MARCHF10: variants seen among roughly 807,000 people sequenced by gnomAD.
MARCHF10 encodes membrane associated ring-CH-type finger 10.
A neutral mutation model predicts 76.2 loss-of-function variants in MARCHF10; 64 were observed. That is an observed-to-expected ratio of 0.84 (90% CI 0.69 to 1.03). MARCHF10 has a LOEUF of 1.03. Ranked by LOEUF, MARCHF10 falls within the 50% of genes least tolerant of loss-of-function variation. The pLI is 0.00. For synonymous variants in MARCHF10, 340 were observed against 357.5 expected (o/e 0.95, Z 0.55); for missense variants, 875 against 958.0 (o/e 0.91, Z 1.14).
At chr17:62,787,936 T>C (rs774636379) in intron 3 of MARCHF10, among the ~76,000 whole-genome samples, 4 of 152,198 alleles carry the variant, frequency 2.6e-5, no homozygotes, top group Non-Finnish European at 5.9e-5. Flanking sequence ...ATATTGTTAT[T>C]ATCACATTGT....
At chr17:62,783,454 C>A (rs1342510959) in intron 3 of MARCHF10, among the ~76,000 whole-genome samples, 1 of 151,832 alleles carries the variant, frequency 6.6e-6, no homozygotes, top group African/African-American at 2.4e-5. Context: ...CCTAACATCA[C>A]AATTAAAAGA....
rs745955088 is a variant in MARCHF10 at position 62,788,549 on chromosome 17, G to A, written c.141C>T (p.Arg47=). The change falls in exon 3 of 11, where the codon CGC becomes CGT. Residue 47 remains arginine (R), a synonymous_variant. Transcript: ENST00000311269. ...EYRRDPNEKK[R]DQFWGQETSF... The stretch of plus-strand genomic sequence containing the variant: ...TTGTCTCTTGCCCCCAAAACTGATC[G>A]CGTTTCTTCTCATTTGGGTCTCTTC... 3.8e-5 allele frequency: 61 copies of A among 1,614,000 alleles called. No individual in the cohort carries two copies. Among genetic ancestry groups the A allele is most frequent in the Middle Eastern group, 1.6e-4 (1 of 6,062 alleles).
At chr17:62,763,951 G>A (rs73335772) in intron 3 of MARCHF10, among the ~76,000 whole-genome samples, 3,357 of 152,120 alleles carry the variant, frequency 0.022, 125 homozygotes, top group African/African-American at 0.074. Context: ...CCAGGGCTAC[G>A]CGCTTTCAAA....
chr17:62,704,879 CTGATGAAGTTCTTCCCGAGTCTGACTTCG>C, intron 10 of MARCHF10: 6 of 960,454 alleles, frequency 6.2e-6, no homozygotes, highest in Non-Finnish European at 7.4e-6. Context: ...ATTCTGCCTC[CTGATGAAGTTCTTCCCGAGTCTGACTTCG>C]AGCCCGCCTG....
intron 10 of MARCHF10, chr17:62,705,001 G>A (rs1010255030): frequency 2.9e-5 from 28 of 973,726 alleles, no homozygotes; most frequent in Non-Finnish European, 3.4e-5. Flanking sequence ...TCTCGAACCT[G>A]TTTGCAGAGA....
At chr17:62,793,520 C>CCTCCAT (rs2092921236) in intron 2 of MARCHF10, among the ~76,000 whole-genome samples, 1 of 138,602 alleles carries the variant, frequency 7.2e-6, no homozygotes, top group Admixed American at 7.1e-5. Flanking sequence ...ACCACCACCA[C>CCTCCAT]CACCTCCATC....
At chr17:62,720,559 A>C (rs565933829) in intron 8 of MARCHF10, among the ~76,000 whole-genome samples, 1 of 152,284 alleles carries the variant, frequency 6.6e-6, no homozygotes, top group South Asian at 2.1e-4. Flanking sequence ...CTGAGGGCAA[A>C]CTGTTAGTAA....
In MARCHF10 at chr17:62,731,876, A is replaced by G. The variant is rs574869702; in HGVS notation, c.1937+4055T>C. Among the ~76,000 whole-genome samples, 10 of 152,360 alleles carry G rather than the reference A, an allele frequency of 6.6e-5. 1 individual carries two copies. In the South Asian group the frequency reaches 1.4e-3, roughly 22 times the overall value. ...CATAACACTGTAAGATGAGAAAAGG[A>G]TTAAAAAGCATAGAGTTTGGAAAGA... On this transcript the variant is annotated intron_variant, in intron 6 of 10. Coordinates refer to ENST00000311269, the MANE Select transcript of MARCHF10 (RefSeq NM_152598.4).
chr17:62,708,496 G>C (rs903419953), intron 9 of MARCHF10, among the ~76,000 whole-genome samples: 1 of 152,048 alleles, frequency 6.6e-6, no homozygotes, highest in Admixed American at 6.5e-5. Flanking sequence ...CACCTGTCTC[G>C]GCCTCCCAAA....
chr17:62,754,895 G>T (rs1304983793), intron 4 of MARCHF10, among the ~76,000 whole-genome samples: 2 of 152,142 alleles, frequency 1.3e-5, no homozygotes, highest in African/African-American at 4.8e-5. Context: ...TTTGCAAGGT[G>T]AATTATGAGG....
At chr17:62,798,620 C>T (rs1157915419) in intron 2 of MARCHF10, among the ~76,000 whole-genome samples, 1 of 152,048 alleles carries the variant, frequency 6.6e-6, no homozygotes, top group Admixed American at 6.6e-5. Context: ...CGGGCTGAAG[C>T]AGGCCAGGGA....
intron 2 of MARCHF10, among the ~76,000 whole-genome samples, chr17:62,801,148 TTTTTTG>T (rs2093064988): frequency 6.6e-6 from 1 of 151,806 alleles, no homozygotes. Flanking sequence ...TTATCCTCGT[TTTTTTG>T]TTTTTGTTTG....
At chr17:62,805,479 A>G (rs921882521) in intron 1 of MARCHF10, among the ~76,000 whole-genome samples, 2 of 152,216 alleles carry the variant, frequency 1.3e-5, no homozygotes, top group Non-Finnish European at 2.9e-5. Flanking sequence ...GCCAAAGTTA[A>G]TATAGAAAGC....
rs773960975 is a variant in MARCHF10, at chr17:62,736,904, T to TC, written c.963dup (p.Thr322AspfsTer9). 2.0e-4 allele frequency: 319 copies of TC among 1,613,636 alleles called. 1 individual carries two copies. Among genetic ancestry groups the TC allele is most frequent in the Non-Finnish European group, 2.6e-4 (309 of 1,179,934 alleles). On this transcript the variant is annotated frameshift_variant, in exon 6 of 11. Transcript: ENST00000311269. LOFTEE classifies it high-confidence loss of function. ...TTATTTTTGGCCTGAGGGGTCGATG[T>TC]CCCCCCAAATCTACTTCTTTTGTGA... is the stretch of plus-strand genomic sequence containing the variant.
intron 8 of MARCHF10, among the ~76,000 whole-genome samples, chr17:62,721,467 G>A (rs976156302): frequency 6.6e-6 from 1 of 151,944 alleles, no homozygotes; most frequent in African/African-American, 2.4e-5. Flanking sequence ...CAAGTGGCTT[G>A]TGACTTCTAT....
intron 3 of MARCHF10, among the ~76,000 whole-genome samples, chr17:62,761,484 C>A (rs1646767825): frequency 6.6e-6 from 1 of 151,880 alleles, no homozygotes; most frequent in Admixed American, 6.6e-5. Context: ...TGAAATGGTG[C>A]CACCTTGGCT....
chr17:62,747,872 G>A (rs1184863380), intron 4 of MARCHF10, among the ~76,000 whole-genome samples: 1 of 152,132 alleles, frequency 6.6e-6, no homozygotes, highest in Non-Finnish European at 1.5e-5. Flanking sequence ...ACAAATACCT[G>A]TGTGCCTTTG....
At chr17:62,728,352 C>T (rs9891513) in intron 6 of MARCHF10, among the ~76,000 whole-genome samples, 65,227 of 151,720 alleles carry the variant, frequency 0.43, 14,446 homozygotes, top group African/African-American at 0.55. Context: ...AAAAAGTTCA[C>T]GAATGACATT....
At position 62,757,109 on chromosome 17, in the gene MARCHF10, C is replaced by T. The variant is rs75010309; in HGVS notation, c.382+2726G>A. Reference sequence around the variant, plus strand: ...ATCATTACATAGATTTGCAGTGAGTCGAGCCATGTTCCCCAGCTATATATT... The same window carrying T: ...ATCATTACATAGATTTGCAGTGAGTTGAGCCATGTTCCCCAGCTATATATT... On this transcript the variant is annotated intron_variant, in intron 4 of 10. Transcript: ENST00000311269. 9.5e-3 allele frequency among the ~76,000 whole-genome samples: 1,444 copies of T among 152,056 alleles called. 25 individuals carry two copies. The highest frequency in any genetic ancestry group is 0.032 in the African/African-American group (1,314 of 41,476).
Sources: gnomAD v4.1 joint callset for allele counts (sites outside exome capture counted in the v4.1 genomes callset) on GRCh38, gnomAD v4.1.1 for gene constraint, MANE v1.5 for transcripts, NCBI Gene and HGNC (gene_info 2026-07-23, HGNC 2026-07-21) for gene names.